Variants in UNC79 observed in about 807,000 individuals in gnomAD.
UNC79 encodes the protein protein unc-79 homolog.
UNC79 carries 37 observed loss-of-function variants against 283.1 expected under a neutral mutation model. That is an observed-to-expected ratio of 0.13 (90% CI 0.10 to 0.17). The LOEUF (loss-of-function observed/expected upper bound fraction) is 0.17, where lower values mean the gene tolerates loss of function less well. Among genes scored for constraint, UNC79 ranks in the 10% least tolerant of loss-of-function variants. UNC79 has a pLI of 1.00. For missense variants in UNC79, 2,272 were observed against 3,211.1 expected (o/e 0.71, Z 7.07); for synonymous variants, 1,107 against 1,200.2 (o/e 0.92, Z 1.61).
chr14:93,554,141 A>C (rs1295560731), intron 14 of UNC79, among the ~76,000 whole-genome samples: 1 of 152,170 alleles, frequency 6.6e-6, no homozygotes, highest in Non-Finnish European at 1.5e-5. Flanking sequence ...CGAGGTCAGG[A>C]ATTTGAGACC....
At chr14:93,360,683 A>AT (rs2139940258) in intron 1 of UNC79, among the ~76,000 whole-genome samples, 1 of 152,352 alleles carries the variant, frequency 6.6e-6, no homozygotes, top group South Asian at 2.1e-4. Context: ...CTTCTACAAG[A>AT]TATCACACTG....
At chr14:93,406,631 A>G (rs1000555788) in intron 1 of UNC79, among the ~76,000 whole-genome samples, 2 of 152,122 alleles carry the variant, frequency 1.3e-5, no homozygotes, top group African/African-American at 2.4e-5. Flanking sequence ...AATATAATAC[A>G]TCTTACTAAC....
intron 1 of UNC79, among the ~76,000 whole-genome samples, chr14:93,369,989 A>T (rs1482933095): frequency 6.6e-6 from 1 of 152,166 alleles, no homozygotes; most frequent in Non-Finnish European, 1.5e-5. Context: ...GAAAAAAATG[A>T]TAAATACTTG....
At chr14:93,603,136 A>G (rs962879384) in intron 25 of UNC79, 103 bp from the exon 26 acceptor site, 1 of 1,334,872 alleles carries the variant, frequency 7.5e-7, no homozygotes, top group African/African-American at 1.5e-5. Context: ...TGAAAAATGT[A>G]TTTTAATATT....
At chr14:93,447,589 T>C (rs78734337) in intron 1 of UNC79, among the ~76,000 whole-genome samples, 409 of 152,178 alleles carry the variant, frequency 2.7e-3, no homozygotes, top group African/African-American at 9.2e-3. Flanking sequence ...GTTTTTTTTT[T>C]CTGAGGACTC....
intron 1 of UNC79, among the ~76,000 whole-genome samples, chr14:93,333,890 A>G (rs2053514532): frequency 6.6e-6 from 1 of 152,240 alleles, no homozygotes; most frequent in Non-Finnish European, 1.5e-5. Flanking sequence ...CAGAAATACT[A>G]ACAAGTAGGC....
intron 1 of UNC79, among the ~76,000 whole-genome samples, chr14:93,347,673 C>A (rs977768851): frequency 2.0e-5 from 3 of 152,010 alleles, no homozygotes; most frequent in African/African-American, 7.2e-5. Flanking sequence ...TACCCTTTAC[C>A]GGCACCTGGC....
chr14:93,643,708 G>A lies in UNC79; in HGVS notation c.6044+11G>A. The A allele has an allele frequency of 1.2e-6, 2 of 1,611,534 alleles. No homozygotes were observed. Among genetic ancestry groups the A allele is most frequent in the East Asian group, 2.2e-5 (1 of 44,886 alleles). On this transcript the variant is annotated intron_variant, in intron 34 of 48. Transcript: ENST00000555664. ...GCAGTCTGTGGGAAGGTGAATGTCA[G>A]CTTCTGTTTTGTTTGGTAGGAAGGT...
chr14:93,600,486 G>A (rs1402883110), intron 24 of UNC79, 83 bp from the exon 25 acceptor site: 1 of 933,324 alleles, frequency 1.1e-6, no homozygotes, highest in Non-Finnish European at 1.6e-6. Context: ...CATTGACTTT[G>A]CCTAGTATAT....
At chr14:93,455,409 A>G (rs1405519663) in intron 1 of UNC79, among the ~76,000 whole-genome samples, 1 of 152,180 alleles carries the variant, frequency 6.6e-6, no homozygotes, top group Non-Finnish European at 1.5e-5. Context: ...ATTCTTTACA[A>G]GATAAGTCTC....
In UNC79 at chr14:93,515,171, T is replaced by G. The variant is rs1308580319; in HGVS notation, c.899-8807T>G. ...ATTTTGATTATTATATATCTTTTCT[T>G]TCTAAAGTTTTGTAGCCTTTGACCA... On this transcript the variant is annotated intron_variant, in intron 7 of 48. Coordinates refer to ENST00000555664, the Ensembl canonical transcript of UNC79. 2.0e-5 allele frequency among the ~76,000 whole-genome samples: 3 copies of G among 152,150 alleles called. No homozygotes were observed. In the East Asian group the frequency reaches 5.8e-4, roughly 29 times the overall value.
intron 17 of UNC79, among the ~76,000 whole-genome samples, chr14:93,576,529 A>C (rs1222548986): frequency 6.6e-6 from 1 of 152,236 alleles, no homozygotes; most frequent in Non-Finnish European, 1.5e-5. Context: ...CAGATAGTTT[A>C]AATGACAGAC....
chr14:93,542,823 G>C, intron 14 of UNC79, 127 bp downstream of exon 14: 1 of 842,208 alleles, frequency 1.2e-6, no homozygotes, highest in Non-Finnish European at 1.9e-6. Flanking sequence ...AATTAATATA[G>C]CTAAATGAAT....
chr14:93,483,195 C>T (rs144879282), intron 4 of UNC79, among the ~76,000 whole-genome samples: 101 of 152,334 alleles, frequency 6.6e-4, no homozygotes, highest in African/African-American at 2.3e-3. Flanking sequence ...GACCTTCCAT[C>T]GCTTTCTCTT....
chr14:93,697,294 C>T (rs1366100182), intron 47 of UNC79, among the ~76,000 whole-genome samples: 1 of 152,052 alleles, frequency 6.6e-6, no homozygotes, highest in Non-Finnish European at 1.5e-5. Flanking sequence ...TGCCACCATG[C>T]CCAGCTAATT....
chr14:93,656,770 C>T (rs534819102), intron 38 of UNC79, among the ~76,000 whole-genome samples: 6 of 152,020 alleles, frequency 3.9e-5, no homozygotes, highest in South Asian at 2.1e-4. Context: ...CCTGGGAAGT[C>T]GAGGTTGTAA....
chr14:93,627,368 T>C (rs528842558), intron 30 of UNC79, among the ~76,000 whole-genome samples: 2 of 152,336 alleles, frequency 1.3e-5, no homozygotes, highest in Admixed American at 1.3e-4. Context: ...AAGACAACCA[T>C]CAGTGACCTA....
At chr14:93,684,515 T>C (rs2074092081) in intron 42 of UNC79, among the ~76,000 whole-genome samples, 1 of 151,990 alleles carries the variant, frequency 6.6e-6, no homozygotes, top group South Asian at 2.1e-4. Context: ...AAGTTTCAAA[T>C]AATATTTAAT....
intron 23 of UNC79, 26 bp from the exon 24 acceptor site, chr14:93,597,333 A>G: frequency 1.2e-6 from 2 of 1,610,806 alleles, no homozygotes; most frequent in South Asian, 1.1e-5. Flanking sequence ...GTATTTACGT[A>G]TTTTGCCTTC....
Sources: allele counts gnomAD v4.1 joint callset (sites outside exome capture counted in the v4.1 genomes callset), GRCh38; gene constraint gnomAD v4.1.1; transcripts MANE v1.5; gene names NCBI Gene and HGNC (gene_info 2026-07-23, HGNC 2026-07-21).